RAB11FIP3: variants seen among roughly 807,000 people sequenced by gnomAD.
RAB11FIP3 encodes the protein RAB11 family interacting protein 3, also known as rab11 family-interacting protein 3.
Under a neutral mutation model 77.8 loss-of-function variants are expected in RAB11FIP3, and 17 were observed. The ratio of observed to expected loss-of-function variants is 0.22; its 90% CI spans 0.15 to 0.33. The LOEUF (loss-of-function observed/expected upper bound fraction) is 0.33, where lower values mean the gene tolerates loss of function less well. Ranked by LOEUF, RAB11FIP3 falls within the 10% of genes least tolerant of loss-of-function variation. The pLI is 1.00. For synonymous variants in RAB11FIP3, 437 were observed against 448.2 expected (o/e 0.98, Z 0.31); for missense variants, 1,005 against 1,011.2 (o/e 0.99, Z 0.08).
intron 2 of RAB11FIP3, among the ~76,000 whole-genome samples, chr16:465,122 G>C (rs1253074627): frequency 1.3e-5 from 2 of 152,146 alleles, no homozygotes; most frequent in Non-Finnish European, 2.9e-5. Context: ...GCAGGGAGGA[G>C]AAAAGCCGCT....
intron 2 of RAB11FIP3, among the ~76,000 whole-genome samples, chr16:470,610 C>T (rs1434963248): frequency 6.6e-6 from 1 of 152,180 alleles, no homozygotes; most frequent in African/African-American, 2.4e-5. Flanking sequence ...GGTGCTTTGA[C>T]CTGTGAATAT....
At position 471,362 on chromosome 16, in the gene RAB11FIP3, C is replaced by G; in HGVS notation, c.876C>G (p.Asp292Glu). ...ATGAGGAGCCCCTGGCCTGCCCGGACGAGTTCGATGACTTCGTCACCTATG... is the reference window on the plus strand; with the variant it reads ...ATGAGGAGCCCCTGGCCTGCCCGGAGGAGTTCGATGACTTCGTCACCTATG... ...AQDEEPLACP[D>E]EFDDFVTYEA... The change falls in exon 3 of 14, where the codon GAC becomes GAG. Residue 292 changes from aspartate to glutamate, a missense_variant. Coordinates refer to ENST00000262305, the MANE Select transcript of RAB11FIP3 (RefSeq NM_014700.4). The surrounding 1 kb of genome is among the most constrained non-coding windows in gnomAD (Gnocchi z 4.4). 6.2e-7 allele frequency: 1 copy of G among 1,613,582 alleles called. No homozygotes were observed. The highest frequency in any genetic ancestry group is 1.1e-5 in the South Asian group (1 of 90,976).
intron 1 of RAB11FIP3, among the ~76,000 whole-genome samples, chr16:457,052 G>C (rs746131151): frequency 2.0e-5 from 3 of 152,040 alleles, no homozygotes; most frequent in Non-Finnish European, 2.9e-5. Context: ...GCTTATTATT[G>C]CTGTGGTTTC....
chr16:426,477 G>T lies in RAB11FIP3; in HGVS notation c.471G>T (p.Glu157Asp). The T allele has an allele frequency of 6.3e-7, 1 of 1,580,976 alleles. No homozygotes were observed. Among genetic ancestry groups the T allele is most frequent in the South Asian group, 1.1e-5 (1 of 87,030 alleles). The change falls in exon 1 of 14, where the codon GAG (glutamate) becomes GAT (aspartate). Residue 157 changes from glutamate to aspartate, a missense_variant. Coordinates refer to ENST00000262305, the MANE Select transcript of RAB11FIP3 (RefSeq NM_014700.4). The surrounding 1 kb of genome is among the most constrained non-coding windows in gnomAD (Gnocchi z 5.0). ...GSSSSHRARGEVDVFSPFPAP... is the reference protein window; with the variant it reads ...GSSSSHRARGDVDVFSPFPAP... ...GCAGCAGCCACCGAGCGCGGGGCGA[G>T]GTCGACGTCTTCTCTCCCTTCCCCG... is the stretch of plus-strand genomic sequence containing the variant.
intron 7 of RAB11FIP3, among the ~76,000 whole-genome samples, chr16:504,074 A>T (rs1439865860): frequency 4.1e-5 from 1 of 24,526 alleles, no homozygotes. Flanking sequence ...GTACCCCCTC[A>T]CCTCCTTGTG....
In RAB11FIP3 at chr16:425,735, T is replaced by C; in HGVS notation, c.-272T>C. On this transcript the variant is annotated 5_prime_UTR_variant, in exon 1 of 14. Coordinates refer to ENST00000262305, the MANE Select transcript of RAB11FIP3 (RefSeq NM_014700.4). ...CGTCCCCCGGCCTCCTCGGCCCCCG[T>C]CCCCCGCCATCCGCCGCCCGGATCC... 3.2e-6 allele frequency: 1 copy of C among 314,092 alleles called. No individual in the cohort carries two copies. Among genetic ancestry groups the C allele is most frequent in the East Asian group, 4.9e-5 (1 of 20,230 alleles). 19.5% of individuals were successfully genotyped at this position (314,092 alleles called of 1,614,324 possible). A position where few individuals can be genotyped will look rare whatever the true frequency, so the allele number is the denominator to read the frequency against.
At chr16:480,242 ACCACTGCACTC>A (rs1485976892) in intron 3 of RAB11FIP3, among the ~76,000 whole-genome samples, 1 of 134,684 alleles carries the variant, frequency 7.4e-6, no homozygotes, top group East Asian at 2.4e-4. Context: ...TGGAGATTGC[ACCACTGCACTC>A]CAGCCTGGGC....
chr16:512,439 A>G (rs1279323083), intron 9 of RAB11FIP3, among the ~76,000 whole-genome samples: 1 of 149,646 alleles, frequency 6.7e-6, no homozygotes, highest in Non-Finnish European at 1.5e-5. Flanking sequence ...ACGGGGTTTC[A>G]CCGTGTTAGC....
intron 5 of RAB11FIP3, 60 bp from the exon 6 acceptor site, chr16:496,764 T>C: frequency 6.6e-7 from 1 of 1,507,856 alleles, no homozygotes; most frequent in East Asian, 2.3e-5. Context: ...GTTTCCTGCT[T>C]CCTCCTGCTC....
intron 2 of RAB11FIP3, among the ~76,000 whole-genome samples, chr16:469,880 G>C (rs1165496024): frequency 1.3e-5 from 2 of 152,146 alleles, no homozygotes; most frequent in Non-Finnish European, 2.9e-5. Flanking sequence ...AGGCTGGAAT[G>C]TAGTGGTGCA....
chr16:476,374 C>A (rs1033460264), intron 3 of RAB11FIP3, among the ~76,000 whole-genome samples: 1 of 152,142 alleles, frequency 6.6e-6, no homozygotes, highest in Non-Finnish European at 1.5e-5. Flanking sequence ...CTGGCTTTTG[C>A]CTGCAGGGGC....
intron 5 of RAB11FIP3, among the ~76,000 whole-genome samples, chr16:490,948 C>A (rs1171324726): frequency 6.6e-6 from 1 of 152,226 alleles, no homozygotes; most frequent in Non-Finnish European, 1.5e-5. Context: ...CTCCTGGAGG[C>A]AGCTGAGGGA....
intron 1 of RAB11FIP3, among the ~76,000 whole-genome samples, chr16:442,940 T>G (rs527859026): frequency 6.6e-6 from 1 of 152,266 alleles, no homozygotes; most frequent in Admixed American, 6.5e-5. Context: ...TTGGTTTACT[T>G]TACTAAAATC....
intron 7 of RAB11FIP3, among the ~76,000 whole-genome samples, chr16:503,320 G>C (rs182460111): frequency 2.0e-3 from 309 of 152,316 alleles, no homozygotes; most frequent in African/African-American, 7.0e-3. Context: ...TGTTGTGCAC[G>C]AAGGGCCAGC....
intron 6 of RAB11FIP3, chr16:497,175 G>A (rs901766015): frequency 2.4e-5 from 22 of 920,560 alleles, no homozygotes; most frequent in African/African-American, 1.6e-4. Flanking sequence ...CTGAGGTAGC[G>A]AGACCCAGTG....
At chr16:434,285 C>G (rs1373951319) in intron 1 of RAB11FIP3, among the ~76,000 whole-genome samples, 1 of 152,164 alleles carries the variant, frequency 6.6e-6, no homozygotes, top group African/African-American at 2.4e-5. Context: ...CCATGCTCGG[C>G]TAATTTTTTG....
At chr16:497,943 A>C (rs2141838708) in intron 6 of RAB11FIP3, among the ~76,000 whole-genome samples, 1 of 151,456 alleles carries the variant, frequency 6.6e-6, no homozygotes, top group South Asian at 2.1e-4. Context: ...TCTCTACAAA[A>C]AAAAAAAAAA....
intron 9 of RAB11FIP3, 113 bp from the exon 10 acceptor site, chr16:518,830 G>A: frequency 1.0e-6 from 1 of 995,338 alleles, no homozygotes; most frequent in South Asian, 1.4e-5. Context: ...TCGTTTGGGG[G>A]CGTCTGTTGG....
chr16:462,934 T>C (rs544664824), intron 2 of RAB11FIP3, among the ~76,000 whole-genome samples: 11 of 152,206 alleles, frequency 7.2e-5, no homozygotes, highest in Non-Finnish European at 1.5e-4. Context: ...CACGATCCGT[T>C]GCGTGCTTGT....
Sources: gnomAD v4.1 joint callset for allele counts (sites outside exome capture counted in the v4.1 genomes callset) on GRCh38, gnomAD v4.1.1 for gene constraint, Gnocchi (gnomAD v3.1) non-coding constraint, MANE v1.5 for transcripts, NCBI Gene and HGNC (gene_info 2026-07-23, HGNC 2026-07-21) for gene names.